MAML2: variants seen among roughly 807,000 people sequenced by gnomAD.
The protein encoded by MAML2 is mastermind like transcriptional coactivator 2.
Under a neutral mutation model 96.1 loss-of-function variants are expected in MAML2, and 22 were observed. That is an observed-to-expected ratio of 0.23 (90% CI 0.16 to 0.33). The LOEUF (loss-of-function observed/expected upper bound fraction) is 0.33. MAML2 is among the 10% of genes least tolerant of loss of function. The pLI, the probability that MAML2 is intolerant of heterozygous loss-of-function variation, is 1.00. For synonymous variants in MAML2, 561 were observed against 521.3 expected (o/e 1.08, Z -1.04); for missense variants, 1,367 against 1,392.4 (o/e 0.98, Z 0.29).
At chr11:96,301,080 A>G (rs1228807906) in intron 1 of MAML2, among the ~76,000 whole-genome samples, 1 of 152,214 alleles carries the variant, frequency 6.6e-6, no homozygotes, top group East Asian at 1.9e-4. Flanking sequence ...TATGGTTTGG[A>G]TAAGTCCGTT....
intron 2 of MAML2, among the ~76,000 whole-genome samples, chr11:96,065,415 G>GCACACACA (rs35035966): frequency 0.13 from 19,484 of 149,468 alleles, 1,485 homozygotes; most frequent in East Asian, 0.21. Context: ...GTGCGTGCAT[G>GCACACACA]CACACACACA....
intron 1 of MAML2, among the ~76,000 whole-genome samples, chr11:96,167,871 T>C (rs1406096236): frequency 6.6e-6 from 1 of 152,214 alleles, no homozygotes; most frequent in Non-Finnish European, 1.5e-5. Flanking sequence ...CAGTTAATAA[T>C]TTCCTCCTAA....
chr11:96,249,488 G>A (rs1441570960), intron 1 of MAML2, among the ~76,000 whole-genome samples: 1 of 152,040 alleles, frequency 6.6e-6, no homozygotes, highest in Non-Finnish European at 1.5e-5. Flanking sequence ...TGTCCAAAAT[G>A]AAACTTCAGT....
At chr11:96,274,374 A>C (rs1292405246) in intron 1 of MAML2, among the ~76,000 whole-genome samples, 1 of 151,664 alleles carries the variant, frequency 6.6e-6, no homozygotes, top group African/African-American at 2.4e-5. Flanking sequence ...GAGCCACCGC[A>C]CCTGGCCCCT....
intron 1 of MAML2, among the ~76,000 whole-genome samples, chr11:96,110,509 G>A (rs186340098): frequency 1.3e-4 from 20 of 152,290 alleles, no homozygotes; most frequent in African/African-American, 4.8e-4. Context: ...AAGGCATACA[G>A]TTTGTTTCTT....
At position 96,341,912 on chromosome 11, in the gene MAML2, A is replaced by G; in HGVS notation, c.-17T>C. 3.3e-6 allele frequency: 5 copies of G among 1,497,948 alleles called. No homozygotes were observed. Among genetic ancestry groups the G allele is most frequent in the Non-Finnish European group, 4.4e-6 (5 of 1,128,116 alleles). 92.8% of individuals were successfully genotyped at this position (1,497,948 alleles called of 1,614,324 possible). A position where few individuals can be genotyped will look rare whatever the true frequency, so the allele number is the denominator to read the frequency against. ...GTCCCCCATCTTACCGGACACAATG[A>G]TTGCTGCCTCTGGGATGGTGAGGTG... On this transcript the variant is annotated 5_prime_UTR_variant, in exon 1 of 5. Coordinates refer to ENST00000524717, the MANE Select transcript of MAML2 (RefSeq NM_032427.4).
rs1394024497 is a variant in MAML2, at chr11:96,092,409, A to AT, written c.1621_1622insA (p.Phe541TyrfsTer3). ...CATGGCTGGGTGCGGGTTGTTAATA[A>AT]AACTTCGACTGAGATCCTGAGGCTT... On this transcript the variant is annotated frameshift_variant, in exon 2 of 5. Transcript: ENST00000524717. LOFTEE classifies it high-confidence loss of function. The surrounding 1 kb of genome is among the most constrained non-coding windows in gnomAD (Gnocchi z 4.1). 6.2e-7 allele frequency: 1 copy of AT among 1,613,858 alleles called. No homozygotes were observed. Among genetic ancestry groups the AT allele is most frequent in the African/African-American group, 1.3e-5 (1 of 74,908 alleles).
chr11:96,161,499 G>A (rs1317270676), intron 1 of MAML2, among the ~76,000 whole-genome samples: 2 of 152,178 alleles, frequency 1.3e-5, no homozygotes, highest in Non-Finnish European at 2.9e-5. Context: ...GAAGTCGCAT[G>A]TTAAGAGACT....
intron 1 of MAML2, among the ~76,000 whole-genome samples, chr11:96,229,257 G>A (rs527387316): frequency 3.3e-5 from 5 of 151,614 alleles, no homozygotes; most frequent in Non-Finnish European, 5.9e-5. Flanking sequence ...ATGGCAAAAA[G>A]AAAACAATAC....
chr11:96,152,388 C>T (rs1053718022), intron 1 of MAML2, among the ~76,000 whole-genome samples: 1 of 139,370 alleles, frequency 7.2e-6, no homozygotes, highest in African/African-American at 2.5e-5. Flanking sequence ...AAAATATAAT[C>T]GACAGAGAAG....
intron 1 of MAML2, among the ~76,000 whole-genome samples, chr11:96,130,652 A>C (rs1358137933): frequency 1.3e-5 from 2 of 152,172 alleles, no homozygotes; most frequent in Non-Finnish European, 2.9e-5. Flanking sequence ...ACAAGGAAAA[A>C]AATTTAAGAT....
At chr11:96,222,422 A>G (rs1438750743) in intron 1 of MAML2, among the ~76,000 whole-genome samples, 1 of 152,178 alleles carries the variant, frequency 6.6e-6, no homozygotes, top group African/African-American at 2.4e-5. Flanking sequence ...TGGAAGCCCA[A>G]GGTGGCTTCT....
At chr11:96,334,102 T>A (rs1041079137) in intron 1 of MAML2, among the ~76,000 whole-genome samples, 5 of 152,204 alleles carry the variant, frequency 3.3e-5, no homozygotes, top group African/African-American at 1.2e-4. Flanking sequence ...TCTAGGGAGA[T>A]GGAAATCTAT....
At chr11:96,275,504 C>T (rs1329622246) in intron 1 of MAML2, among the ~76,000 whole-genome samples, 4 of 152,074 alleles carry the variant, frequency 2.6e-5, no homozygotes, top group African/African-American at 7.2e-5. Flanking sequence ...CTCCTGACCT[C>T]GTGATCCACC....
intron 1 of MAML2, among the ~76,000 whole-genome samples, chr11:96,198,945 C>G (rs1365638173): frequency 6.6e-6 from 1 of 150,718 alleles, no homozygotes; most frequent in East Asian, 2.0e-4. Context: ...CGTCTGTAAT[C>G]CCAGCACTTT....
intron 1 of MAML2, among the ~76,000 whole-genome samples, chr11:96,109,943 G>T (rs1860090632): frequency 6.6e-6 from 1 of 152,198 alleles, no homozygotes; most frequent in South Asian, 2.1e-4. Context: ...AGAGAAAAGG[G>T]TGGGAATGAA....
At chr11:96,163,189 G>C (rs1861140862) in intron 1 of MAML2, among the ~76,000 whole-genome samples, 1 of 152,182 alleles carries the variant, frequency 6.6e-6, no homozygotes, top group South Asian at 2.1e-4. Flanking sequence ...GGCAGTTTAA[G>C]TATACACTTC....
intron 1 of MAML2, among the ~76,000 whole-genome samples, chr11:96,281,896 A>G (rs1328817379): frequency 6.6e-6 from 1 of 152,092 alleles, no homozygotes; most frequent in Non-Finnish European, 1.5e-5. Context: ...AACAAAAACA[A>G]AAAAGACCTG....
intron 1 of MAML2, among the ~76,000 whole-genome samples, chr11:96,126,971 G>A (rs1860449918): frequency 1.3e-5 from 2 of 152,146 alleles, no homozygotes; most frequent in Non-Finnish European, 2.9e-5. Context: ...GTCATCTCAG[G>A]TGCGGTTCCT....
Sources: gnomAD v4.1 joint callset for allele counts (sites outside exome capture counted in the v4.1 genomes callset) on GRCh38, gnomAD v4.1.1 for gene constraint, Gnocchi (gnomAD v3.1) non-coding constraint, MANE v1.5 for transcripts, NCBI Gene and HGNC (gene_info 2026-07-23, HGNC 2026-07-21) for gene names.